TMEM108: variants seen among roughly 807,000 people sequenced by gnomAD.
TMEM108 encodes the protein cancer/testis antigen 124.
TMEM108 carries 12 observed loss-of-function variants against 35.1 expected under a neutral mutation model. The ratio of observed to expected loss-of-function variants is 0.34; its 90% CI spans 0.22 to 0.55. TMEM108 has a LOEUF of 0.55. Among genes scored for constraint, TMEM108 ranks in the 20% least tolerant of loss-of-function variants. The probability of loss-of-function intolerance (pLI) is 0.89; values close to 1 mark genes in which losing one functional copy is unlikely to be tolerated. For missense variants in TMEM108, 680 were observed against 753.3 expected (o/e 0.90, Z 1.14); for synonymous variants, 287 against 308.6 (o/e 0.93, Z 0.73).
intron 3 of TMEM108, among the ~76,000 whole-genome samples, chr3:133,367,226 CT>C (rs2072525637): frequency 6.6e-6 from 1 of 152,206 alleles, no homozygotes; most frequent in Non-Finnish European, 1.5e-5. Flanking sequence ...TAGTGTCATT[CT>C]CAGGATAGGC....
chr3:133,050,707 AT>A (rs57515933), intron 2 of TMEM108, among the ~76,000 whole-genome samples: 235 of 145,852 alleles, frequency 1.6e-3, no homozygotes, highest in South Asian at 2.2e-3. Flanking sequence ...GAAACCACTG[AT>A]TTTTTTTTTT....
At chr3:133,174,502 CA>C (rs1445503696) in intron 2 of TMEM108, among the ~76,000 whole-genome samples, 1 of 152,180 alleles carries the variant, frequency 6.6e-6, no homozygotes, top group African/African-American at 2.4e-5. Flanking sequence ...GATCAGGCAG[CA>C]ACATTTGCTG....
chr3:133,290,042 A>T (rs1949220), intron 3 of TMEM108, among the ~76,000 whole-genome samples: 46,554 of 152,168 alleles, frequency 0.31, 7,870 homozygotes, highest in East Asian at 0.47. Flanking sequence ...CCCTGCCCCG[A>T]TGAGTCTGCT....
At chr3:133,081,186 C>G (rs1943806248) in intron 2 of TMEM108, among the ~76,000 whole-genome samples, 1 of 152,198 alleles carries the variant, frequency 6.6e-6, no homozygotes, top group Non-Finnish European at 1.5e-5. Flanking sequence ...GCTGCCATCA[C>G]AAAATACCAT....
At chr3:133,042,857 C>T (rs1285425152) in intron 1 of TMEM108, among the ~76,000 whole-genome samples, 1 of 152,210 alleles carries the variant, frequency 6.6e-6, no homozygotes, top group East Asian at 1.9e-4. Context: ...TTTATTTCAT[C>T]TGCCATCAGG....
chr3:133,337,670 C>G (rs1016900692), intron 3 of TMEM108, among the ~76,000 whole-genome samples: 6 of 152,036 alleles, frequency 3.9e-5, no homozygotes, highest in Non-Finnish European at 8.8e-5. Context: ...GAATCAAGAT[C>G]ATATAGGAAA....
intron 2 of TMEM108, among the ~76,000 whole-genome samples, chr3:133,134,528 G>C (rs1944537102): frequency 6.6e-6 from 1 of 151,938 alleles, no homozygotes; most frequent in Admixed American, 6.6e-5. Flanking sequence ...GTAATTTCCT[G>C]AGTAATAGGG....
At chr3:133,089,043 C>G (rs554935188) in intron 2 of TMEM108, among the ~76,000 whole-genome samples, 1 of 152,202 alleles carries the variant, frequency 6.6e-6, no homozygotes, top group South Asian at 2.1e-4. Context: ...TCTCACATGG[C>G]CAGAGCAGAA....
intron 2 of TMEM108, among the ~76,000 whole-genome samples, chr3:133,184,271 ATAAT>A (rs1945388720): frequency 6.6e-6 from 1 of 152,262 alleles, no homozygotes; most frequent in Non-Finnish European, 1.5e-5. Context: ...AGAATCAGAA[ATAAT>A]TTATGTATAT....
rs571891076 is a variant in TMEM108 at position 133,275,105 on chromosome 3, C to T, written c.40+45754C>T. ...TATTTTAATGGGGGAGGGGAAAGAG[C>T]GCTAGATCAGGAGTCAGAAGACTAA... On this transcript the variant is annotated intron_variant, in intron 3 of 5. Coordinates refer to ENST00000321871, the MANE Select transcript of TMEM108 (RefSeq NM_023943.4). Among the ~76,000 whole-genome samples, 3 of 152,110 alleles carry T rather than the reference C, an allele frequency of 2.0e-5. No individual in the cohort carries two copies. In the East Asian group the frequency reaches 5.8e-4, roughly 29 times the overall value.
At chr3:133,084,906 G>T (rs1025306510) in intron 2 of TMEM108, among the ~76,000 whole-genome samples, 12 of 152,128 alleles carry the variant, frequency 7.9e-5, no homozygotes, top group Non-Finnish European at 1.2e-4. Context: ...GTTTCTCCAG[G>T]ACACGCAGTG....
At chr3:133,248,105 G>C (rs1469334455) in intron 3 of TMEM108, 1 of 152,158 alleles carries the variant, frequency 6.6e-6, no homozygotes. Flanking sequence ...ATCCACCTCT[G>C]ACTCCTCTAT....
intron 2 of TMEM108, among the ~76,000 whole-genome samples, chr3:133,046,586 A>G (rs564922080): frequency 1.3e-5 from 2 of 152,322 alleles, no homozygotes; most frequent in Non-Finnish European, 2.9e-5. Flanking sequence ...TCACATGCCC[A>G]TTCATGCCTC....
At position 133,248,706 on chromosome 3, in the gene TMEM108, G is replaced by A. The variant is rs1458825662; in HGVS notation, c.40+19355G>A. On this transcript the variant is annotated intron_variant, in intron 3 of 5. Coordinates refer to ENST00000321871, the MANE Select transcript of TMEM108 (RefSeq NM_023943.4). ...GGAAATGTTGCAACCCATTATGGCAGTGGGTTATTCCTTTTATAAGCTGAG... is the reference window on the plus strand; with the variant it reads ...GGAAATGTTGCAACCCATTATGGCAATGGGTTATTCCTTTTATAAGCTGAG... 2.6e-5 allele frequency: 4 copies of A among 152,304 alleles called. No individual in the cohort carries two copies. In the South Asian group the frequency reaches 6.2e-4, roughly 24 times the overall value. 9.4% of individuals were successfully genotyped at this position (152,304 alleles called of 1,614,324 possible).
intron 2 of TMEM108, among the ~76,000 whole-genome samples, chr3:133,085,751 A>G (rs929436713): frequency 6.6e-6 from 1 of 150,560 alleles, no homozygotes; most frequent in Non-Finnish European, 1.5e-5. Context: ...TCTTTTTTGT[A>G]ATAATTACTT....
At chr3:133,129,683 T>A (rs1046183482) in intron 2 of TMEM108, among the ~76,000 whole-genome samples, 6 of 152,148 alleles carry the variant, frequency 3.9e-5, no homozygotes, top group African/African-American at 1.2e-4. Flanking sequence ...TTGTTGATTG[T>A]CTATTATATA....
intron 2 of TMEM108, among the ~76,000 whole-genome samples, chr3:133,216,435 C>G (rs1215789990): frequency 1.3e-5 from 2 of 152,050 alleles, no homozygotes; most frequent in Non-Finnish European, 2.9e-5. Context: ...AATGCTTTCC[C>G]TTGCATATTT....
chr3:133,306,861 AT>A (rs2071050522), intron 3 of TMEM108, among the ~76,000 whole-genome samples: 2 of 152,054 alleles, frequency 1.3e-5, no homozygotes, highest in Admixed American at 6.6e-5. Flanking sequence ...TAGCAGCATG[AT>A]TTATAATTCT....
chr3:133,148,693 TA>T (rs568623616), intron 2 of TMEM108, among the ~76,000 whole-genome samples: 16 of 150,336 alleles, frequency 1.1e-4, no homozygotes, highest in South Asian at 4.2e-4. Flanking sequence ...CAGTAAGGTT[TA>T]AAAAAAAAAT....
Sources: allele counts gnomAD v4.1 joint callset (sites outside exome capture counted in the v4.1 genomes callset), GRCh38; gene constraint gnomAD v4.1.1; transcripts MANE v1.5; gene names NCBI Gene and HGNC (gene_info 2026-07-23, HGNC 2026-07-21).